Variants in PIK3CB observed in about 807,000 individuals in gnomAD.
PIK3CB encodes phosphatidylinositol-4,5-bisphosphate 3-kinase catalytic subunit beta.
PIK3CB carries 39 observed loss-of-function variants against 136.8 expected under a neutral mutation model. That is an observed-to-expected ratio of 0.29 (90% confidence interval 0.22 to 0.37). The LOEUF is 0.37. Among genes scored for constraint, PIK3CB ranks in the 10% least tolerant of loss-of-function variants. The pLI is 1.00. For synonymous variants in PIK3CB, 428 were observed against 436.6 expected (o/e 0.98, Z 0.25); for missense variants, 868 against 1,275.4 (o/e 0.68, Z 4.87).
chr3:138,775,630 A>G (rs758921167), intron 2 of PIK3CB, among the ~76,000 whole-genome samples: 14 of 152,098 alleles, frequency 9.2e-5, no homozygotes, highest in African/African-American at 1.7e-4. Context: ...CAGCACCACA[A>G]TGTTGCTGTC....
chr3:138,756,984 A>G (rs373951950), intron 3 of PIK3CB, among the ~76,000 whole-genome samples: 6 of 152,224 alleles, frequency 3.9e-5, no homozygotes, highest in Non-Finnish European at 7.3e-5. Context: ...CTACAACTCA[A>G]TAACAGAAAA....
intron 2 of PIK3CB, among the ~76,000 whole-genome samples, chr3:138,788,136 C>T (rs962815206): frequency 1.3e-5 from 2 of 151,516 alleles, no homozygotes; most frequent in Non-Finnish European, 2.9e-5. Flanking sequence ...TTGGCCAGGC[C>T]GGTCTCTAAC....
chr3:138,810,590 C>A (rs1932987724), intron 1 of PIK3CB, among the ~76,000 whole-genome samples: 1 of 151,794 alleles, frequency 6.6e-6, no homozygotes, highest in South Asian at 2.1e-4. Context: ...AAACAACTGA[C>A]CAGTATTCCT....
intron 1 of PIK3CB, among the ~76,000 whole-genome samples, chr3:138,813,430 ATTT>A (rs770922735): frequency 6.8e-5 from 9 of 133,184 alleles, no homozygotes; most frequent in East Asian, 2.2e-4. Flanking sequence ...GGCCTACTCT[ATTT>A]TTTTTTTTTT....
At chr3:138,809,227 G>A (rs1477357323) in intron 1 of PIK3CB, among the ~76,000 whole-genome samples, 6 of 151,258 alleles carry the variant, frequency 4.0e-5, no homozygotes, top group Admixed American at 6.6e-5. Context: ...GCAGTGAACC[G>A]AGACTGCGCC....
At chr3:138,752,416 A>T (rs1446514385) in intron 4 of PIK3CB, among the ~76,000 whole-genome samples, 1 of 152,260 alleles carries the variant, frequency 6.6e-6, no homozygotes, top group South Asian at 2.1e-4. Flanking sequence ...CATCACAGAC[A>T]AATCAGCAAC....
At chr3:138,721,393 G>A (rs2044723941) in intron 8 of PIK3CB, among the ~76,000 whole-genome samples, 1 of 152,110 alleles carries the variant, frequency 6.6e-6, no homozygotes, top group Non-Finnish European at 1.5e-5. Flanking sequence ...TCTAACTCCT[G>A]ACCTCAGGTG....
At chr3:138,756,376 T>G (rs1293691329) in intron 3 of PIK3CB, among the ~76,000 whole-genome samples, 1 of 152,070 alleles carries the variant, frequency 6.6e-6, no homozygotes, top group East Asian at 1.9e-4. Flanking sequence ...CAATGAAAAC[T>G]TTCATATTTC....
At chr3:138,721,290 G>A (rs1332508862) in intron 8 of PIK3CB, among the ~76,000 whole-genome samples, 1 of 152,086 alleles carries the variant, frequency 6.6e-6, no homozygotes, top group East Asian at 1.9e-4. Context: ...AGCCTCCCGA[G>A]TAGCTGGGAT....
chr3:138,714,666 G>A lies in PIK3CB; in HGVS notation c.1104C>T (p.Ile368=), dbSNP rs1354611947. The A allele has an allele frequency of 5.6e-6, 9 of 1,612,498 alleles. No homozygotes were observed. Among genetic ancestry groups the A allele is most frequent in the South Asian group, 4.4e-5 (4 of 91,020 alleles). The change falls in exon 9 of 24, where the codon ATC becomes ATT. Residue 368 remains isoleucine, a synonymous_variant. Transcript: ENST00000674063. ...FHGTELLCKT[I]VSSEVSGKND... ...TTTTCCCTGATACCTCTGAGCTTAC[G>A]ATGGTTTTACACAGGAGCTCAGTAC...
At chr3:138,815,509 A>ATT (rs2108884809) in intron 1 of PIK3CB, among the ~76,000 whole-genome samples, 2 of 152,116 alleles carry the variant, frequency 1.3e-5, no homozygotes, top group East Asian at 3.9e-4. Context: ...TACAGAAAAA[A>ATT]TATGTTACAT....
chr3:138,759,369 A>G lies in PIK3CB; in HGVS notation c.-16-10T>C. The G allele has an allele frequency of 6.3e-7, 1 of 1,580,272 alleles. No homozygotes were observed. The highest frequency in any genetic ancestry group is 8.6e-7 in the Non-Finnish European group (1 of 1,156,838). The stretch of plus-strand genomic sequence containing the variant: ...TCATAACCACGGGGCCCTAGAAATC[A>G]GTAATTAAAACATAGCAAAACAACC... On this transcript the variant is annotated splice_polypyrimidine_tract_variant and intron_variant, in intron 2 of 23. Coordinates refer to ENST00000674063, the MANE Select transcript of PIK3CB (RefSeq NM_006219.3).
intron 1 of PIK3CB, 120 bp from the exon 2 acceptor site, chr3:138,796,687 G>A (rs997197255): frequency 2.0e-5 from 3 of 152,112 alleles, no homozygotes; most frequent in African/African-American, 4.8e-5. Context: ...TATGTAGGTT[G>A]AAGATCTAAT....
chr3:138,821,960 T>C (rs2108903232), intron 1 of PIK3CB, among the ~76,000 whole-genome samples: 1 of 151,832 alleles, frequency 6.6e-6, no homozygotes, highest in East Asian at 1.9e-4. Flanking sequence ...GAGACTAGCC[T>C]GAGCAACATG....
chr3:138,741,524 G>GAACAA (rs546287321), intron 5 of PIK3CB, among the ~76,000 whole-genome samples: 6 of 152,186 alleles, frequency 3.9e-5, no homozygotes, highest in South Asian at 2.1e-4. Context: ...AGTAATTCAA[G>GAACAA]AACAAAACAA....
Position 138,760,466 on chromosome 3 carries a change from C to T in PIK3CB, c.-16-1107G>A, listed in dbSNP as rs149183755. On this transcript the variant is annotated intron_variant, in intron 2 of 23. Coordinates refer to ENST00000674063, the MANE Select transcript of PIK3CB (RefSeq NM_006219.3). ...AACGCACTATCCCAACAAATGCACCCTTTAATAGTGCCATTTAAGTCTTAC... is the reference window on the plus strand; with the variant it reads ...AACGCACTATCCCAACAAATGCACCTTTTAATAGTGCCATTTAAGTCTTAC... Among the ~76,000 whole-genome samples the T allele has an allele frequency of 2.9e-3, 437 of 152,312 alleles. 2 individuals are homozygous for T. Among genetic ancestry groups the T allele is most frequent in the African/African-American group, 0.01 (418 of 41,564 alleles).
chr3:138,781,357 T>C (rs2045921376), intron 2 of PIK3CB, among the ~76,000 whole-genome samples: 1 of 151,446 alleles, frequency 6.6e-6, no homozygotes, highest in South Asian at 2.1e-4. Context: ...CTCATAGCTG[T>C]AATCTTAGCA....
rs202220571 is a variant in PIK3CB at position 138,742,722 on chromosome 3, G to A, written c.457C>T (p.Arg153Cys). The A allele has an allele frequency of 1.2e-5, 19 of 1,613,262 alleles. No homozygotes were observed. Among genetic ancestry groups the A allele is most frequent in the East Asian group, 8.9e-5 (4 of 44,842 alleles). Residue 153 changes from arginine to cysteine, a missense_variant, in exon 5 of 24, where the codon CGC (arginine) becomes TGC (cysteine). Around this residue, in one of 4 missense-constraint regions of PIK3CB, gnomAD observed 612 missense variants for 801.1 expected, o/e 0.76. Coordinates refer to ENST00000674063, the MANE Select transcript of PIK3CB (RefSeq NM_006219.3). ...AGGATTTTTTCCTCGCTGAATTTGC[G>A]CATTTTTCTTCGAAATTCATTTACT... is the stretch of plus-strand genomic sequence containing the variant. ...PEVNEFRRKM[R>C]KFSEEKILSL...
At chr3:138,744,910 C>T (rs972313072) in intron 4 of PIK3CB, among the ~76,000 whole-genome samples, 1 of 152,176 alleles carries the variant, frequency 6.6e-6, no homozygotes, top group Admixed American at 6.5e-5. Context: ...GATTTCTCCA[C>T]GATCTGTATC....
Sources: allele counts gnomAD v4.1 joint callset (sites outside exome capture counted in the v4.1 genomes callset), GRCh38; gene constraint gnomAD v4.1.1; regional missense constraint gnomAD v4.1.1; transcripts MANE v1.5; gene names NCBI Gene and HGNC (gene_info 2026-07-23, HGNC 2026-07-21).